SHLD2: variants seen among roughly 807,000 people sequenced by gnomAD.
SHLD2 encodes shieldin complex subunit 2, also known as RINN1-REV7-interacting novel NHEJ regulator 2.
A neutral mutation model predicts 73.2 loss-of-function variants in SHLD2; 30 were observed. The observed-to-expected ratio is 0.41, with a 90% confidence interval of 0.31 to 0.56. The LOEUF is 0.56. Among genes scored for constraint, SHLD2 ranks in the 20% least tolerant of loss-of-function variants. The probability of loss-of-function intolerance (pLI) is 0.28; values close to 1 mark genes in which losing one functional copy is unlikely to be tolerated. For synonymous variants in SHLD2, 285 were observed against 370.1 expected, an observed-to-expected ratio of 0.77 and a Z score of 2.64; for missense variants, 745 against 1,055.9, an observed-to-expected ratio of 0.71 and a Z score of 4.08.
chr10:87,103,474 T>C (rs1343774669), intron 2 of SHLD2, among the ~76,000 whole-genome samples: 1 of 152,222 alleles, frequency 6.6e-6, no homozygotes, highest in Non-Finnish European at 1.5e-5. Flanking sequence ...AGCACTTTGG[T>C]TGAAAATGAA....
chr10:87,168,405 T>C (rs1364060322), intron 4 of SHLD2, among the ~76,000 whole-genome samples: 1 of 152,134 alleles, frequency 6.6e-6, no homozygotes, highest in East Asian at 1.9e-4. Flanking sequence ...GAGACCAGCC[T>C]GAGCAAGGTG....
intron 2 of SHLD2, among the ~76,000 whole-genome samples, chr10:87,112,645 AATG>A (rs1302287906): frequency 6.6e-6 from 1 of 151,778 alleles, no homozygotes; most frequent in Non-Finnish European, 1.5e-5. Context: ...TAAAATAATA[AATG>A]ATAATAATAA....
intron 2 of SHLD2, among the ~76,000 whole-genome samples, chr10:87,130,654 T>C (rs1844362430): frequency 6.6e-6 from 1 of 152,216 alleles, no homozygotes; most frequent in Non-Finnish European, 1.5e-5. Flanking sequence ...CTGAGCCTTT[T>C]GAGGATTCTG....
intron 2 of SHLD2, among the ~76,000 whole-genome samples, chr10:87,101,558 G>T (rs761967826): frequency 2.6e-5 from 4 of 152,146 alleles, no homozygotes; most frequent in Non-Finnish European, 4.4e-5. Flanking sequence ...ACCTCGCCTG[G>T]CTCAGAATGG....
At chr10:87,118,332 G>T (rs1490602398) in intron 2 of SHLD2, among the ~76,000 whole-genome samples, 1 of 152,176 alleles carries the variant, frequency 6.6e-6, no homozygotes, top group Non-Finnish European at 1.5e-5. Flanking sequence ...GGGAAGTGTT[G>T]CCTGAGTCAG....
chr10:87,096,662 G>C lies in SHLD2; in HGVS notation c.-61-272G>C, dbSNP rs562688554. Among the ~76,000 whole-genome samples the C allele has an allele frequency of 3.9e-5, 6 of 152,306 alleles. No homozygotes were observed. In the East Asian group the frequency reaches 5.8e-4, roughly 15 times the overall value. On this transcript the variant is annotated intron_variant, in intron 1 of 9. Transcript: ENST00000298786. ...TAGCGTTAGCGGTCTCAGTGTACTT[G>C]GGTGGTTTTAAAATGACACCCATTG...
At chr10:87,139,974 C>T (rs1845067987) in intron 2 of SHLD2, among the ~76,000 whole-genome samples, 1 of 152,064 alleles carries the variant, frequency 6.6e-6, no homozygotes, top group Non-Finnish European at 1.5e-5. Flanking sequence ...AGCAGTAGAA[C>T]CTATTCACAT....
At chr10:87,147,133 T>C (rs1047396541) in intron 2 of SHLD2, among the ~76,000 whole-genome samples, 67 of 151,658 alleles carry the variant, frequency 4.4e-4, no homozygotes, top group Non-Finnish European at 6.2e-4. Context: ...ATCTCAGATA[T>C]TTCTTGCCCT....
intron 2 of SHLD2, among the ~76,000 whole-genome samples, chr10:87,107,107 A>G (rs111729681): frequency 8.9e-5 from 13 of 146,490 alleles, no homozygotes; most frequent in East Asian, 2.0e-4. Context: ...AAAAAAAAAA[A>G]AGAGATTTAA....
chr10:87,168,093 G>A (rs1847330964), intron 4 of SHLD2, among the ~76,000 whole-genome samples: 1 of 152,144 alleles, frequency 6.6e-6, no homozygotes, highest in Non-Finnish European at 1.5e-5. Context: ...AGTTAAAACT[G>A]AACTATGATT....
chr10:87,124,414 T>A (rs1843839012), intron 2 of SHLD2, among the ~76,000 whole-genome samples: 1 of 151,978 alleles, frequency 6.6e-6, no homozygotes, highest in Non-Finnish European at 1.5e-5. Flanking sequence ...GGCGCACCTT[T>A]GGTCCCAACT....
At chr10:87,099,937 C>T (rs1169271856) in intron 2 of SHLD2, among the ~76,000 whole-genome samples, 2 of 151,946 alleles carry the variant, frequency 1.3e-5, no homozygotes, top group East Asian at 1.9e-4. Flanking sequence ...TATTCAGATC[C>T]TTTGCCCATT....
intron 2 of SHLD2, among the ~76,000 whole-genome samples, chr10:87,100,753 C>T (rs1255161058): frequency 1.3e-5 from 2 of 152,208 alleles, no homozygotes; most frequent in Non-Finnish European, 2.9e-5. Context: ...GCTGGGATTA[C>T]AGGCATGAGC....
At chr10:87,104,891 C>T (rs1261121924) in intron 2 of SHLD2, among the ~76,000 whole-genome samples, 1 of 152,060 alleles carries the variant, frequency 6.6e-6, no homozygotes, top group Non-Finnish European at 1.5e-5. Flanking sequence ...GAACTCCTGA[C>T]CTTGTGATCC....
At position 87,144,616 on chromosome 10, in the gene SHLD2, ATTTTTTTTTTTTTT is replaced by A. The variant is rs548218721; in HGVS notation, c.-5-6719_-5-6706del. Among the ~76,000 whole-genome samples the A allele has an allele frequency of 1.5e-3, 132 of 89,508 alleles. 2 individuals carry two copies. The highest frequency in any genetic ancestry group is 6.0e-3 in the African/African-American group (116 of 19,360). The allele number at this position is 89,508 out of a possible 152,430, so 58.7% of individuals were successfully genotyped here. On this transcript the variant is annotated intron_variant, in intron 2 of 9. Coordinates refer to ENST00000298786, the MANE Select transcript of SHLD2 (RefSeq NM_001330112.2). ...TAAATTTAGGTACAAGCATTTACTA[ATTTTTTTTTTTTTT>A]TTTTTTTTTTTTTTGAGATGGTGTC...
Position 87,175,886 on chromosome 10 carries a change from A to C in SHLD2, c.1964-3A>C. 6 of 1,548,068 alleles carry C rather than the reference A, an allele frequency of 3.9e-6. No homozygotes were observed. The highest frequency in any genetic ancestry group is 5.2e-6 in the Non-Finnish European group (6 of 1,146,074). On this transcript the variant is annotated splice_region_variant and splice_polypyrimidine_tract_variant and intron_variant, in intron 6 of 9. Transcript: ENST00000298786. ...GACTTTTGTTTTTACTGTTTTTTTTAAGGTTATATTTGGGAATTTAAATAT... is the reference window on the plus strand; with the variant it reads ...GACTTTTGTTTTTACTGTTTTTTTTCAGGTTATATTTGGGAATTTAAATAT...
At chr10:87,185,404 G>A (rs1848556668) in intron 8 of SHLD2, among the ~76,000 whole-genome samples, 1 of 152,178 alleles carries the variant, frequency 6.6e-6, no homozygotes, top group African/African-American at 2.4e-5. Context: ...GTGGATATGT[G>A]TGTTCATTTC....
intron 8 of SHLD2, among the ~76,000 whole-genome samples, chr10:87,185,472 T>C (rs1453152127): frequency 1.3e-5 from 2 of 152,228 alleles, no homozygotes; most frequent in African/African-American, 2.4e-5. Flanking sequence ...ACTGTCTGTT[T>C]AACCTTTTGA....
At chr10:87,171,566 G>A (rs556894380) in intron 6 of SHLD2, among the ~76,000 whole-genome samples, 137 of 152,248 alleles carry the variant, frequency 9.0e-4, no homozygotes, top group African/African-American at 3.2e-3. Context: ...ATAGTATAGT[G>A]TCTTCCCTTT....
Sources: allele counts gnomAD v4.1 joint callset (sites outside exome capture counted in the v4.1 genomes callset), GRCh38; gene constraint gnomAD v4.1.1; transcripts MANE v1.5; gene names NCBI Gene and HGNC (gene_info 2026-07-23, HGNC 2026-07-21).